DHRS7B: variants seen among roughly 807,000 people sequenced by gnomAD.
DHRS7B encodes the protein dehydrogenase/reductase 7B.
A neutral mutation model predicts 26.4 loss-of-function variants in DHRS7B; 24 were observed. The ratio of observed to expected loss-of-function variants is 0.91; its 90% CI spans 0.66 to 1.28. The LOEUF is 1.28. Among genes scored for constraint, DHRS7B ranks in the 50% most tolerant of loss-of-function variants. DHRS7B has a pLI of 0.00. For missense variants in DHRS7B, 368 were observed against 419.4 expected, an observed-to-expected ratio of 0.88 and a Z score of 1.07; for synonymous variants, 142 against 166.4, an observed-to-expected ratio of 0.85 and a Z score of 1.13.
chr17:21,184,568 A>C, intron 5 of DHRS7B, 105 bp downstream of exon 5: 1 of 1,165,360 alleles, frequency 8.6e-7, no homozygotes, highest in South Asian at 1.5e-5. Flanking sequence ...GAAATAAACT[A>C]TCCAGAATGC....
chr17:21,179,946 A>G (rs1974478455), intron 3 of DHRS7B, among the ~76,000 whole-genome samples: 1 of 148,038 alleles, frequency 6.8e-6, no homozygotes, highest in African/African-American at 2.5e-5. Context: ...TTGTATTTTT[A>G]GTAGAGACGG....
chr17:21,131,126 A>G (rs779690639), intron 1 of DHRS7B, among the ~76,000 whole-genome samples: 2 of 152,224 alleles, frequency 1.3e-5, no homozygotes, highest in Non-Finnish European at 1.5e-5. Context: ...GGGTTCTTGG[A>G]TCTTGTGTAA....
At chr17:21,181,596 T>A (rs1305344357) in intron 3 of DHRS7B, among the ~76,000 whole-genome samples, 1 of 152,216 alleles carries the variant, frequency 6.6e-6, no homozygotes, top group Non-Finnish European at 1.5e-5. Context: ...ACAGCATTAA[T>A]CCATTCATGA....
intron 1 of DHRS7B, among the ~76,000 whole-genome samples, chr17:21,169,149 G>T (rs981484797): frequency 3.9e-5 from 6 of 152,208 alleles, no homozygotes; most frequent in African/African-American, 1.4e-4. Context: ...ATGAGAGCCT[G>T]ACTTCTGCCA....
At chr17:21,176,341 C>T (rs914797674) in intron 2 of DHRS7B, among the ~76,000 whole-genome samples, 6 of 152,140 alleles carry the variant, frequency 3.9e-5, no homozygotes, top group Non-Finnish European at 7.4e-5. Flanking sequence ...TGGCTCATGC[C>T]TGTAATCTCA....
chr17:21,161,092 G>T (rs1269410540), intron 1 of DHRS7B, among the ~76,000 whole-genome samples: 1 of 152,208 alleles, frequency 6.6e-6, no homozygotes, highest in Non-Finnish European at 1.5e-5. Context: ...TTTTAGGGCA[G>T]TGAAACTATT....
intron 1 of DHRS7B, among the ~76,000 whole-genome samples, chr17:21,129,478 G>GGAGGATCATGT (rs1321302743): frequency 1.3e-5 from 2 of 151,984 alleles, no homozygotes; most frequent in African/African-American, 4.8e-5. Flanking sequence ...GGCTGAGGTG[G>GGAGGATCATGT]GAGGATCATG....
intron 3 of DHRS7B, among the ~76,000 whole-genome samples, chr17:21,179,954 C>T (rs868101276): frequency 2.0e-5 from 3 of 150,306 alleles, no homozygotes; most frequent in Non-Finnish European, 4.4e-5. Flanking sequence ...TTAGTAGAGA[C>T]GGGGCTTCTC....
intron 1 of DHRS7B, among the ~76,000 whole-genome samples, chr17:21,137,511 G>A (rs1476597942): frequency 6.6e-6 from 1 of 151,106 alleles, no homozygotes; most frequent in African/African-American, 2.4e-5. Context: ...AGGCTGGAGT[G>A]TAATGGCATA....
chr17:21,159,343 G>A (rs1021424228), intron 1 of DHRS7B, among the ~76,000 whole-genome samples: 5 of 151,460 alleles, frequency 3.3e-5, no homozygotes, highest in African/African-American at 1.2e-4. Context: ...CGCCTCCCGG[G>A]TTCAAGTGAT....
intron 1 of DHRS7B, chr17:21,168,824 G>T (rs1393183063): frequency 1.0e-6 from 1 of 985,360 alleles, no homozygotes; most frequent in Admixed American, 6.1e-5. Context: ...GGTCTCCAGG[G>T]CCAGGAGACC....
chr17:21,140,479 TACACAC>T (rs4020775), intron 1 of DHRS7B, among the ~76,000 whole-genome samples: 3,483 of 83,634 alleles, frequency 0.042, 60 homozygotes, highest in Middle Eastern at 0.056. Context: ...GCCTTTTAAA[TACACAC>T]ACACACACAC....
At chr17:21,131,025 T>C (rs1319809943) in intron 1 of DHRS7B, among the ~76,000 whole-genome samples, 1 of 152,178 alleles carries the variant, frequency 6.6e-6, no homozygotes, top group Non-Finnish European at 1.5e-5. Flanking sequence ...AACATGAGGC[T>C]TGGCCATTTA....
chr17:21,153,284 A>G (rs1167404530), intron 1 of DHRS7B, among the ~76,000 whole-genome samples: 1 of 152,230 alleles, frequency 6.6e-6, no homozygotes, highest in Non-Finnish European at 1.5e-5. Context: ...AGTAGACGGG[A>G]CATGGCAGAG....
chr17:21,153,066 G>C (rs1043062099), intron 1 of DHRS7B, among the ~76,000 whole-genome samples: 1 of 152,206 alleles, frequency 6.6e-6, no homozygotes, highest in Non-Finnish European at 1.5e-5. Context: ...ATCAGAACCA[G>C]AGTTTGATAT....
chr17:21,140,351 G>A (rs1411533085), intron 1 of DHRS7B, among the ~76,000 whole-genome samples: 1 of 152,046 alleles, frequency 6.6e-6, no homozygotes, highest in Non-Finnish European at 1.5e-5. Flanking sequence ...CTGGGCAGCT[G>A]TCAGCTACGT....
chr17:21,182,424 T>C (rs1974534475), intron 3 of DHRS7B, among the ~76,000 whole-genome samples: 3 of 152,132 alleles, frequency 2.0e-5, no homozygotes, highest in Admixed American at 1.3e-4. Context: ...AGTTTTGTAT[T>C]TTTAGTAGAG....
rs190042394 is a variant in DHRS7B at position 21,146,130 on chromosome 17, A to G, written c.20+19139A>G. 1.7e-3 allele frequency among the ~76,000 whole-genome samples: 266 copies of G among 152,344 alleles called. 2 individuals are homozygous for G. Among genetic ancestry groups the G allele is most frequent in the African/African-American group, 6.1e-3 (253 of 41,574 alleles). On this transcript the variant is annotated intron_variant, in intron 1 of 6. Coordinates refer to ENST00000395511, the MANE Select transcript of DHRS7B (RefSeq NM_015510.5). Reference sequence around the variant, plus strand: ...TCCTAACCTACATATAAGCCTGGGCACTGTAGCATAGTACATGTTTGTAAT... The same window carrying G: ...TCCTAACCTACATATAAGCCTGGGCGCTGTAGCATAGTACATGTTTGTAAT...
At chr17:21,183,051 ATC>A (rs1422544464) in intron 3 of DHRS7B, among the ~76,000 whole-genome samples, 4 of 152,184 alleles carry the variant, frequency 2.6e-5, no homozygotes, top group African/African-American at 9.7e-5. Context: ...TTGATTACTG[ATC>A]CAATCTCTAT....
Sources: allele counts gnomAD v4.1 joint callset (sites outside exome capture counted in the v4.1 genomes callset), GRCh38; gene constraint gnomAD v4.1.1; transcripts MANE v1.5; gene names NCBI Gene and HGNC (gene_info 2026-07-23, HGNC 2026-07-21).